ALAD: variants seen among roughly 807,000 people sequenced by gnomAD.
The protein encoded by ALAD is delta-aminolevulinic acid dehydratase.
A neutral mutation model predicts 44.4 loss-of-function variants in ALAD; 20 were observed. The observed-to-expected ratio is 0.45, with a 90% CI of 0.32 to 0.65. The LOEUF (loss-of-function observed/expected upper bound fraction) is 0.65, where lower values mean the gene tolerates loss of function less well. Among genes scored for constraint, ALAD ranks in the 30% least tolerant of loss-of-function variants. ALAD has a pLI of 0.05. For missense variants in ALAD, 323 were observed against 445.7 expected (o/e 0.72, Z 2.48); for synonymous variants, 156 against 167.9 (o/e 0.93, Z 0.55).
Position 113,387,660 on chromosome 9 carries a change from C to T in ALAD, c.*640G>A, listed in dbSNP as rs1212721878. 1.2e-5 allele frequency: 2 copies of T among 160,844 alleles called. No individual in the cohort carries two copies. Among genetic ancestry groups the T allele is most frequent in the Non-Finnish European group, 2.7e-5 (2 of 72,816 alleles). The allele number at this position is 160,844 out of a possible 1,614,324, so 10.0% of individuals were successfully genotyped here. On this transcript the variant is annotated 3_prime_UTR_variant, in exon 12 of 12. Coordinates refer to ENST00000409155, the MANE Select transcript of ALAD (RefSeq NM_000031.6). The stretch of plus-strand genomic sequence containing the variant: ...TAAAAAGTGTTTGTGGTGGTGGCAC[C>T]TCTAGCAGTCAGGAACTCCCTCTTT...
rs562841092 is a variant in ALAD at position 113,388,136 on chromosome 9, A to G, written c.*164T>C. On this transcript the variant is annotated 3_prime_UTR_variant, in exon 12 of 12. Coordinates refer to ENST00000409155, the MANE Select transcript of ALAD (RefSeq NM_000031.6). ...GATGCAGCTGCGAGTTACAAGAGTTAGCATGCTGGCAAAACCACCCAGGGC... is the reference window on the plus strand; with the variant it reads ...GATGCAGCTGCGAGTTACAAGAGTTGGCATGCTGGCAAAACCACCCAGGGC... 2.8e-6 allele frequency: 2 copies of G among 721,810 alleles called. No individual in the cohort carries two copies. The highest frequency in any genetic ancestry group is 4.9e-6 in the Non-Finnish European group (2 of 405,476). The allele number at this position is 721,810 out of a possible 1,614,324, so 44.7% of individuals were successfully genotyped here.
In ALAD at chr9:113,388,103, G is replaced by C. The variant is rs1827454428; in HGVS notation, c.*197C>G. 1 of 642,700 alleles carries C rather than the reference G, an allele frequency of 1.6e-6. No homozygotes were observed. 39.8% of individuals were successfully genotyped at this position (642,700 alleles called of 1,614,324 possible). On this transcript the variant is annotated 3_prime_UTR_variant, in exon 12 of 12. Transcript: ENST00000409155. Reference sequence around the variant, plus strand: ...GGGAGGGGCGGGGAAGCTTGGGAGAGCTCATAGGATGCAGCTGCGAGTTAC... The same window carrying C: ...GGGAGGGGCGGGGAAGCTTGGGAGACCTCATAGGATGCAGCTGCGAGTTAC...
chr9:113,388,133 G>A lies in ALAD; in HGVS notation c.*167C>T. On this transcript the variant is annotated 3_prime_UTR_variant, in exon 12 of 12. Coordinates refer to ENST00000409155, the MANE Select transcript of ALAD (RefSeq NM_000031.6). ...TAGGATGCAGCTGCGAGTTACAAGAGTTAGCATGCTGGCAAAACCACCCAG... is the reference window on the plus strand; with the variant it reads ...TAGGATGCAGCTGCGAGTTACAAGAATTAGCATGCTGGCAAAACCACCCAG... 5.6e-6 allele frequency: 4 copies of A among 716,400 alleles called. No individual in the cohort carries two copies. Among genetic ancestry groups the A allele is most frequent in the Non-Finnish European group, 9.9e-6 (4 of 402,150 alleles). 44.4% of individuals were successfully genotyped at this position (716,400 alleles called of 1,614,324 possible). A position where few individuals can be genotyped will look rare whatever the true frequency, so the allele number is the denominator to read the frequency against.
intron 10 of ALAD, 114 bp downstream of exon 10, chr9:113,389,324 G>A: frequency 7.3e-7 from 1 of 1,363,516 alleles, no homozygotes; most frequent in South Asian, 1.2e-5. Context: ...GGCAGGGAAG[G>A]GGAGGAGAGG....
At position 113,389,579 on chromosome 9, in the gene ALAD, C is replaced by T; in HGVS notation, c.714+20G>A. 1 of 1,614,126 alleles carries T rather than the reference C, an allele frequency of 6.2e-7. No individual in the cohort carries two copies. The highest frequency in any genetic ancestry group is 8.5e-7 in the Non-Finnish European group (1 of 1,180,014). ...GCCTAGGAGGGGGCTGAGGGTGGGG[C>T]TCAAGTCCTAGTCACTCACCACAGC... On this transcript the variant is annotated intron_variant, in intron 9 of 11. Coordinates refer to ENST00000409155, the MANE Select transcript of ALAD (RefSeq NM_000031.6).
Position 113,390,452 on chromosome 9 carries a change from C to G in ALAD, c.523G>C (p.Val175Leu). The change falls in exon 7 of 12, where the codon GTG (valine) becomes CTG (leucine). Residue 175 changes from valine (V) to leucine (L), a missense_variant. Physicochemically the swap from Val to Leu is conservative, Grantham distance 32 (BLOSUM62 1). Coordinates refer to ENST00000409155, the MANE Select transcript of ALAD (RefSeq NM_000031.6). ...VAPSDMMDGRVEAIKEALMAH... is the reference protein window; with the variant it reads ...VAPSDMMDGRLEAIKEALMAH... ...ATCAGGGCCTCTTTGATGGCTTCCA[C>G]GCGTCCATCCATCATGTCCGACGGG... The G allele has an allele frequency of 6.2e-7, 1 of 1,614,120 alleles. No homozygotes were observed. Among genetic ancestry groups the G allele is most frequent in the Non-Finnish European group, 8.5e-7 (1 of 1,180,028 alleles).
At chr9:113,390,749 C>T (rs1186541090) in intron 5 of ALAD, 49 bp downstream of exon 5, 2 of 1,598,906 alleles carry the variant, frequency 1.3e-6, no homozygotes, top group East Asian at 4.5e-5. Flanking sequence ...GAGAAGTGGG[C>T]AGTAGGAGTG....
chr9:113,391,433 G>T, intron 4 of ALAD, 94 bp downstream of exon 4: 1 of 1,082,934 alleles, frequency 9.2e-7, no homozygotes, highest in East Asian at 2.4e-5. Flanking sequence ...CAAAATCCTG[G>T]GCTCAAGTGA....
At chr9:113,398,492 A>T (rs1236096106) in intron 1 of ALAD, among the ~76,000 whole-genome samples, 1 of 152,216 alleles carries the variant, frequency 6.6e-6, no homozygotes, top group Non-Finnish European at 1.5e-5. Context: ...TAGGAGCCTG[A>T]GACCGGGGCA....
intron 1 of ALAD, among the ~76,000 whole-genome samples, chr9:113,394,177 C>G (rs923274830): frequency 2.0e-5 from 3 of 150,960 alleles, no homozygotes; most frequent in Admixed American, 2.0e-4. Flanking sequence ...TGGGCTCAAG[C>G]AATCTGCCTG....
chr9:113,388,445 G>GGAAGAAGGCTACCAT, intron 11 of ALAD, 84 bp from the exon 12 acceptor site: 1 of 1,293,478 alleles, frequency 7.7e-7, no homozygotes, highest in Non-Finnish European at 1.1e-6. Flanking sequence ...GGCCAGGCGG[G>GGAAGAAGGCTACCAT]GAAGAAGGCT....
At position 113,393,634 on chromosome 9, in the gene ALAD, T is replaced by C. The variant is rs1827656697; in HGVS notation, c.-75A>G. The C allele has an allele frequency of 1.6e-6, 2 of 1,248,382 alleles. No individual in the cohort carries two copies. Among genetic ancestry groups the C allele is most frequent in the South Asian group, 1.2e-5 (1 of 83,124 alleles). 77.3% of individuals were successfully genotyped at this position (1,248,382 alleles called of 1,614,324 possible). A position where few individuals can be genotyped will look rare whatever the true frequency, so the allele number is the denominator to read the frequency against. Reference sequence around the variant, plus strand: ...CCTGGGGCATTGGCTGCAGGCTCTGTCTGTGGGGGGTGATGGGTGGCACAT... The same window carrying C: ...CCTGGGGCATTGGCTGCAGGCTCTGCCTGTGGGGGGTGATGGGTGGCACAT... On this transcript the variant is annotated splice_region_variant and 5_prime_UTR_variant, in exon 2 of 12. Coordinates refer to ENST00000409155, the MANE Select transcript of ALAD (RefSeq NM_000031.6).
chr9:113,388,967 G>C lies in ALAD; in HGVS notation c.931+10C>G. ...GCGCAGGTCAAAACACCCCACCCTT[G>C]CCTGCCTACCTGCTCTGCGGAAGGC... On this transcript the variant is annotated intron_variant, in intron 11 of 11. Transcript: ENST00000409155. 1 of 1,613,770 alleles carries C rather than the reference G, an allele frequency of 6.2e-7. No homozygotes were observed. Among genetic ancestry groups the C allele is most frequent in the Non-Finnish European group, 8.5e-7 (1 of 1,180,028 alleles).
In ALAD at chr9:113,390,352, G is replaced by A. The variant is rs544007559; in HGVS notation, c.570+53C>T. 7 of 1,570,396 alleles carry A rather than the reference G, an allele frequency of 4.5e-6. No individual in the cohort carries two copies. The African/African-American group carries it at 6.7e-5, about 15-fold the overall frequency. On this transcript the variant is annotated intron_variant, in intron 7 of 11. Coordinates refer to ENST00000409155, the MANE Select transcript of ALAD (RefSeq NM_000031.6). Reference sequence around the variant, plus strand: ...GTGATTCTTAGCAGACACGGGGGCAGGGCTGGTGCAGACTATCTCCTGCCA... The same window carrying A: ...GTGATTCTTAGCAGACACGGGGGCAAGGCTGGTGCAGACTATCTCCTGCCA...
chr9:113,387,802 G>A lies in ALAD; in HGVS notation c.*498C>T, dbSNP rs1025631016. Reference sequence around the variant, plus strand: ...AGGCAGCCTGGCAACCTCTGGCCTCGTGGGAAATGCCTTCCAGTGGAATTG... The same window carrying A: ...AGGCAGCCTGGCAACCTCTGGCCTCATGGGAAATGCCTTCCAGTGGAATTG... On this transcript the variant is annotated 3_prime_UTR_variant, in exon 12 of 12. Coordinates refer to ENST00000409155, the MANE Select transcript of ALAD (RefSeq NM_000031.6). 1.9e-5 allele frequency: 4 copies of A among 209,132 alleles called. No homozygotes were observed. Among genetic ancestry groups the A allele is most frequent in the Non-Finnish European group, 4.0e-5 (4 of 101,130 alleles). 13.0% of individuals were successfully genotyped at this position (209,132 alleles called of 1,614,324 possible).
chr9:113,395,033 C>T (rs1056095383), intron 1 of ALAD, among the ~76,000 whole-genome samples: 1 of 150,218 alleles, frequency 6.7e-6, no homozygotes, highest in Non-Finnish European at 1.5e-5. Context: ...CCAGCCTGGG[C>T]GACAGAGCAA....
intron 9 of ALAD, 37 bp from the exon 10 acceptor site, chr9:113,389,561 A>AG (rs1827511436): frequency 1.2e-6 from 2 of 1,613,894 alleles, no homozygotes; most frequent in South Asian, 2.2e-5. Context: ...GGTGCCTAGG[A>AG]GGGGGCTGAG....
At chr9:113,391,780 A>C (rs943963038) in intron 3 of ALAD, among the ~76,000 whole-genome samples, 157 bp from the exon 4 acceptor site, 4 of 152,194 alleles carry the variant, frequency 2.6e-5, no homozygotes, top group Non-Finnish European at 4.4e-5. Context: ...TGCATCCACT[A>C]AATAGGAGGG....
At chr9:113,388,670 T>C (rs574673200) in intron 11 of ALAD, among the ~76,000 whole-genome samples, 33 of 152,324 alleles carry the variant, frequency 2.2e-4, no homozygotes, top group African/African-American at 6.3e-4. Flanking sequence ...TATTACTTCA[T>C]TTAATCCTCA....
Sources: gnomAD v4.1 joint callset for allele counts (sites outside exome capture counted in the v4.1 genomes callset) on GRCh38, gnomAD v4.1.1 for gene constraint, MANE v1.5 for transcripts, NCBI Gene and HGNC (gene_info 2026-07-23, HGNC 2026-07-21) for gene names.